The following PTPRD variants were observed in gnomAD, a reference collection of about 807,000 sequenced individuals.
PTPRD encodes the protein receptor-type tyrosine-protein phosphatase delta.
Under a neutral mutation model 214.5 loss-of-function variants are expected in PTPRD, and 34 were observed. The observed-to-expected ratio is 0.16, with a 90% CI of 0.12 to 0.21. The LOEUF is 0.21. PTPRD is among the 10% of genes least tolerant of loss of function. PTPRD has a pLI of 1.00. For synonymous variants in PTPRD, 1,128 were observed against 845.7 expected, an observed-to-expected ratio of 1.33 and a Z score of -5.79; for missense variants, 2,545 against 2,398.7, an observed-to-expected ratio of 1.06 and a Z score of -1.27.
chr9:9,760,728 A>T (rs2098647395), intron 6 of PTPRD, among the ~76,000 whole-genome samples: 1 of 152,144 alleles, frequency 6.6e-6, no homozygotes, highest in African/African-American at 2.4e-5. Flanking sequence ...TGATGAGGAA[A>T]TAGGCAAACT....
intron 33 of PTPRD, among the ~76,000 whole-genome samples, chr9:8,453,099 T>A (rs2096025378): frequency 6.6e-6 from 1 of 152,178 alleles, no homozygotes; most frequent in Non-Finnish European, 1.5e-5. Context: ...TAGAAGAGGA[T>A]GTCTAAGTTT....
intron 5 of PTPRD, among the ~76,000 whole-genome samples, chr9:9,907,958 A>ATGTATTATAAT (rs1358819570): frequency 2.6e-5 from 4 of 152,000 alleles, no homozygotes; most frequent in Non-Finnish European, 5.9e-5. Flanking sequence ...ATTGAATTTA[A>ATGTATTATAAT]TGTATTAATG....
intron 4 of PTPRD, among the ~76,000 whole-genome samples, chr9:10,000,383 G>T (rs936082204): frequency 6.6e-6 from 1 of 151,938 alleles, no homozygotes; most frequent in African/African-American, 2.4e-5. Context: ...ACCTAGAAAC[G>T]ATCAAACTCA....
At chr9:10,518,742 C>T (rs2051032879) in intron 2 of PTPRD, among the ~76,000 whole-genome samples, 1 of 152,014 alleles carries the variant, frequency 6.6e-6, no homozygotes. Context: ...CCGTGTTAGC[C>T]AAGATGGTCT....
chr9:9,523,698 C>T (rs1569568992), intron 8 of PTPRD, among the ~76,000 whole-genome samples: 1 of 152,154 alleles, frequency 6.6e-6, no homozygotes, highest in Non-Finnish European at 1.5e-5. Context: ...CTCTTGACCG[C>T]TCCTTCCTTA....
At chr9:9,392,706 A>G (rs985789016) in intron 9 of PTPRD, among the ~76,000 whole-genome samples, 19 of 152,270 alleles carry the variant, frequency 1.2e-4, no homozygotes, top group Middle Eastern at 3.4e-3. Flanking sequence ...TCTATAATGC[A>G]TTTCTTCTTG....
chr9:8,502,863 T>TATATAC (rs1554658869), intron 23 of PTPRD, among the ~76,000 whole-genome samples: 2 of 150,350 alleles, frequency 1.3e-5, no homozygotes, highest in African/African-American at 2.4e-5. Flanking sequence ...TATATATATA[T>TATATAC]ACACACACAC....
intron 8 of PTPRD, among the ~76,000 whole-genome samples, chr9:9,513,427 T>C (rs765583124): frequency 6.6e-6 from 1 of 151,986 alleles, no homozygotes; most frequent in South Asian, 2.1e-4. Context: ...TTTACTCATG[T>C]GTATTTAACA....
At chr9:10,187,884 C>T (rs1269535909) in intron 3 of PTPRD, among the ~76,000 whole-genome samples, 1 of 152,172 alleles carries the variant, frequency 6.6e-6, no homozygotes, top group East Asian at 1.9e-4. Flanking sequence ...ATTATCTTTC[C>T]TAAATGTAGT....
intron 11 of PTPRD, among the ~76,000 whole-genome samples, chr9:8,902,349 T>C (rs1478780455): frequency 6.6e-6 from 1 of 150,626 alleles, no homozygotes; most frequent in African/African-American, 2.4e-5. Context: ...CTTTTTCTTT[T>C]TTTTTTTTTT....
At chr9:8,629,990 G>C (rs2096198520) in intron 14 of PTPRD, among the ~76,000 whole-genome samples, 2 of 151,808 alleles carry the variant, frequency 1.3e-5, no homozygotes, top group African/African-American at 2.4e-5. Flanking sequence ...TGGGTGGTCA[G>C]AGTATTATTT....
In PTPRD at chr9:8,325,485, G is replaced by C. The variant is rs558265394; in HGVS notation, c.5535-5519C>G. Among the ~76,000 whole-genome samples the C allele has an allele frequency of 8.0e-4, 119 of 148,656 alleles. 2 individuals carry two copies. Among genetic ancestry groups the C allele is most frequent in the African/African-American group, 2.7e-3 (109 of 40,684 alleles). On this transcript the variant is annotated intron_variant, in intron 44 of 45. Coordinates refer to ENST00000381196, the MANE Select transcript of PTPRD (RefSeq NM_002839.4). ...TTGGTACCAGTACCATGCTGTTTTG[G>C]TTACTGTAGCCTTGTTTGAAGTCAG...
chr9:9,596,173 CATTGT>C (rs1016340274), intron 7 of PTPRD, among the ~76,000 whole-genome samples: 1 of 151,852 alleles, frequency 6.6e-6, no homozygotes, highest in Non-Finnish European at 1.5e-5. Context: ...ATAATTTATA[CATTGT>C]ATTTAGTCCC....
At chr9:8,921,326 C>T (rs971410668) in intron 11 of PTPRD, among the ~76,000 whole-genome samples, 2 of 152,152 alleles carry the variant, frequency 1.3e-5, no homozygotes, top group African/African-American at 4.8e-5. Flanking sequence ...CTCTCTCACA[C>T]ACAGACATAC....
intron 35 of PTPRD, among the ~76,000 whole-genome samples, chr9:8,413,208 T>C (rs538246846): frequency 3.6e-4 from 55 of 152,336 alleles, no homozygotes; most frequent in African/African-American, 1.2e-3. Context: ...GCTTTCATCA[T>C]TGCTTTGCTT....
chr9:8,341,142 G>A lies in PTPRD; in HGVS notation c.5074C>T (p.Arg1692Cys), dbSNP rs1852056607. ...ATGTAATCAGATCCTTCTACTCCACGGATAGGCTGCAGGCATACCCTTGTG... is the reference window on the plus strand; with the variant it reads ...ATGTAATCAGATCCTTCTACTCCACAGATAGGCTGCAGGCATACCCTTGTG... ...ESTRVCLQPI[R>C]GVEGSDYINA... Residue 1692 changes from arginine (R) to cysteine (C), a missense_variant, in exon 41 of 46, where the codon CGT (arginine) becomes TGT (cysteine). Transcript: ENST00000381196. 2.5e-6 allele frequency: 4 copies of A among 1,612,706 alleles called. No individual in the cohort carries two copies. Among genetic ancestry groups the A allele is most frequent in the Non-Finnish European group, 3.4e-6 (4 of 1,179,286 alleles).
chr9:8,973,860 CTTCTT>C (rs1402113471), intron 11 of PTPRD, among the ~76,000 whole-genome samples: 2 of 152,130 alleles, frequency 1.3e-5, no homozygotes, highest in African/African-American at 4.8e-5. Flanking sequence ...GCTTGTATGT[CTTCTT>C]TTAAGAAATA....
At chr9:9,147,914 G>C (rs2099871396) in intron 10 of PTPRD, among the ~76,000 whole-genome samples, 2 of 152,178 alleles carry the variant, frequency 1.3e-5, no homozygotes, top group Non-Finnish European at 2.9e-5. Context: ...AGTTGTGGAA[G>C]GTGGACTCAG....
At chr9:10,359,365 A>G (rs1170502900) in intron 2 of PTPRD, among the ~76,000 whole-genome samples, 1 of 151,956 alleles carries the variant, frequency 6.6e-6, no homozygotes, top group Non-Finnish European at 1.5e-5. Context: ...TTATTCCCCC[A>G]GTTTTACTCC....
Sources: allele counts gnomAD v4.1 joint callset (sites outside exome capture counted in the v4.1 genomes callset), GRCh38; gene constraint gnomAD v4.1.1; transcripts MANE v1.5; gene names NCBI Gene and HGNC (gene_info 2026-07-23, HGNC 2026-07-21).